Variants in CLVS1 observed in about 807,000 individuals in gnomAD.
CLVS1 encodes clavesin-1.
CLVS1 carries 10 observed loss-of-function variants against 33.1 expected under a neutral mutation model. That is an observed-to-expected ratio of 0.30 (90% confidence interval 0.19 to 0.51). The LOEUF (loss-of-function observed/expected upper bound fraction) is 0.51, where lower values mean the gene tolerates loss of function less well. CLVS1 is among the 20% of genes least tolerant of loss of function. The probability of loss-of-function intolerance (pLI) is 0.97; values close to 1 mark genes in which losing one functional copy is unlikely to be tolerated. For missense variants in CLVS1, 343 were observed against 433.4 expected, an observed-to-expected ratio of 0.79 and a Z score of 1.85; for synonymous variants, 163 against 166.1, an observed-to-expected ratio of 0.98 and a Z score of 0.14.
At chr8:61,023,550 A>G in the CLVS1 span, among the ~76,000 whole-genome samples, 4 of 152,244 alleles carry the variant, frequency 2.6e-5, no homozygotes, top group African/African-American at 9.6e-5. Context: ...ATTCATCTCT[A>G]TGGTGCCCAG....
chr8:61,201,522 C>T (rs1807732048), intron 2 of CLVS1, among the ~76,000 whole-genome samples: 1 of 152,112 alleles, frequency 6.6e-6, no homozygotes. Flanking sequence ...CGTAGGACAG[C>T]TATGGTTGAT....
intron 2 of CLVS1, among the ~76,000 whole-genome samples, chr8:61,260,959 G>T (rs890377125): frequency 2.6e-5 from 4 of 152,194 alleles, no homozygotes; most frequent in African/African-American, 7.2e-5. Flanking sequence ...TCAAATTCCC[G>T]GGTTTCCCTA....
intron 2 of CLVS1, among the ~76,000 whole-genome samples, chr8:61,301,546 A>G (rs1810434193): frequency 6.6e-6 from 1 of 152,238 alleles, no homozygotes; most frequent in Admixed American, 6.5e-5. Flanking sequence ...AACATTTTGA[A>G]TATTAATGAC....
At chr8:61,188,499 TTAAATAAATTAGAGA>T (rs1807393330) in intron 2 of CLVS1, among the ~76,000 whole-genome samples, 1 of 108,250 alleles carries the variant, frequency 9.2e-6, no homozygotes, top group South Asian at 2.6e-4. Context: ...CAGATTATGC[TTAAATAAATTAGAGA>T]AAAACTTGAA....
At chr8:61,123,332 C>T (rs867328695) in intron 1 of CLVS1, among the ~76,000 whole-genome samples, 1 of 103,284 alleles carries the variant, frequency 9.7e-6, no homozygotes, top group Non-Finnish European at 2.2e-5. Flanking sequence ...TTCTAGAAAA[C>T]AACACAACAT....
At chr8:61,212,774 C>T (rs1463769329) in intron 2 of CLVS1, among the ~76,000 whole-genome samples, 3 of 152,084 alleles carry the variant, frequency 2.0e-5, no homozygotes, top group Admixed American at 6.5e-5. Flanking sequence ...ACTCCTCAGC[C>T]GGGCTGCTGC....
the CLVS1 span, among the ~76,000 whole-genome samples, chr8:61,046,008 T>C: frequency 8.6e-5 from 13 of 152,040 alleles, no homozygotes; most frequent in African/African-American, 2.9e-4. Context: ...TCCCATTTGT[T>C]AATTTTGGCT....
intron 3 of CLVS1, among the ~76,000 whole-genome samples, chr8:61,441,443 G>A (rs1816541135): frequency 6.6e-6 from 1 of 152,102 alleles, no homozygotes. Context: ...CAACTTGGAG[G>A]GGTCTCATTT....
intron 2 of CLVS1, among the ~76,000 whole-genome samples, chr8:61,169,842 A>T (rs571473524): frequency 6.6e-6 from 1 of 152,048 alleles, no homozygotes; most frequent in Non-Finnish European, 1.5e-5. Context: ...TCTCCTGTTA[A>T]TTTGTCTATT....
the CLVS1 span, among the ~76,000 whole-genome samples, chr8:60,978,241 A>G: frequency 1.3e-5 from 2 of 152,266 alleles, no homozygotes; most frequent in African/African-American, 2.4e-5. Flanking sequence ...AGGTAGCTAC[A>G]TAGGTAAATA....
the CLVS1 span, chr8:60,967,841 T>C: frequency 2.9e-6 from 1 of 344,818 alleles, no homozygotes; most frequent in Non-Finnish European, 5.7e-6. Flanking sequence ...CACGGACCAA[T>C]GAGAGCGGGT....
intron 2 of CLVS1, among the ~76,000 whole-genome samples, chr8:61,339,798 A>AAAG (rs145061246): frequency 0.47 from 69,277 of 148,710 alleles, 16,644 homozygotes; most frequent in East Asian, 0.63. Context: ...AAAGAGAAAA[A>AAAG]AGAGAGGAAG....
intron 3 of CLVS1, among the ~76,000 whole-genome samples, chr8:61,418,361 T>C (rs543679554): frequency 5.9e-5 from 9 of 152,270 alleles, no homozygotes; most frequent in African/African-American, 1.9e-4. Flanking sequence ...TTGTTATTAC[T>C]TAAATTGCAG....
intron 3 of CLVS1, among the ~76,000 whole-genome samples, chr8:61,439,391 G>A (rs1816460172): frequency 1.3e-5 from 2 of 152,182 alleles, no homozygotes; most frequent in South Asian, 4.1e-4. Flanking sequence ...AGAGAAGTTG[G>A]AAGTGATTTT....
In CLVS1 at chr8:61,404,723, C is replaced by T. The variant is rs113130643; in HGVS notation, c.630+27944C>T. Among the ~76,000 whole-genome samples the T allele has an allele frequency of 8.9e-3, 1,359 of 152,226 alleles. 14 individuals are homozygous for T. The highest frequency in any genetic ancestry group is 0.031 in the African/African-American group (1,275 of 41,540). The stretch of plus-strand genomic sequence containing the variant: ...TTTGCAGGGAGGGAATTTGTCCAGG[C>T]CAGTTGCATATTGTTTGAGGATGGA... On this transcript the variant is annotated intron_variant, in intron 3 of 5. Coordinates refer to ENST00000325897, the MANE Select transcript of CLVS1 (RefSeq NM_173519.3).
chr8:61,041,509 C>A, the CLVS1 span, among the ~76,000 whole-genome samples: 1 of 152,084 alleles, frequency 6.6e-6, no homozygotes, highest in East Asian at 1.9e-4. Context: ...TTTCTTTCAG[C>A]AGTGTTTTGT....
At chr8:61,442,478 T>C (rs1816591194) in intron 3 of CLVS1, among the ~76,000 whole-genome samples, 1 of 152,244 alleles carries the variant, frequency 6.6e-6, no homozygotes, top group Non-Finnish European at 1.5e-5. Flanking sequence ...TGCTGGGTCA[T>C]ATGGTCATTG....
intron 2 of CLVS1, among the ~76,000 whole-genome samples, chr8:61,318,697 C>T (rs565423623): frequency 3.3e-5 from 5 of 152,184 alleles, no homozygotes; most frequent in Admixed American, 3.3e-4. Context: ...AAAACCTCTT[C>T]ATCTCCTCTT....
At chr8:61,165,395 C>G (rs1217726222) in intron 2 of CLVS1, among the ~76,000 whole-genome samples, 1 of 152,230 alleles carries the variant, frequency 6.6e-6, no homozygotes, top group Admixed American at 6.5e-5. Context: ...GGGGGTTGCC[C>G]TTGCCAGCTC....
Sources: allele counts gnomAD v4.1 joint callset (sites outside exome capture counted in the v4.1 genomes callset), GRCh38; gene constraint gnomAD v4.1.1; transcripts MANE v1.5; gene names NCBI Gene and HGNC (gene_info 2026-07-23, HGNC 2026-07-21).